The following TESK2 variants were observed in gnomAD, a reference collection of about 807,000 sequenced individuals.
The protein encoded by TESK2 is dual specificity testis-specific protein kinase 2.
Under a neutral mutation model 57.1 loss-of-function variants are expected in TESK2, and 39 were observed. The observed-to-expected ratio is 0.68, with a 90% CI of 0.53 to 0.89. TESK2 has a LOEUF of 0.89. Among genes scored for constraint, TESK2 ranks in the 40% least tolerant of loss-of-function variants. TESK2 has a pLI of 0.00. For synonymous variants in TESK2, 249 were observed against 267.9 expected (o/e 0.93, Z 0.69); for missense variants, 646 against 732.1 (o/e 0.88, Z 1.36).
At position 45,415,162 on chromosome 1, in the gene TESK2, G is replaced by C. The variant is rs986077946; in HGVS notation, c.344+6563C>G. 3.3e-6 allele frequency: 5 copies of C among 1,518,110 alleles called. No homozygotes were observed. In the African/African-American group the frequency reaches 6.9e-5, roughly 21 times the overall value. The allele number at this position is 1,518,110 out of a possible 1,614,324, so 94.0% of individuals were successfully genotyped here. A position where few individuals can be genotyped will look rare whatever the true frequency, so the allele number is the denominator to read the frequency against. ...CTGACCACTGGAGAGAAAGGATTTG[G>C]TTATAAGGGTTCCTGCTTTCACAGA... On this transcript the variant is annotated intron_variant, in intron 3 of 10. Transcript: ENST00000372086.
chr1:45,410,896 C>T (rs997513150), intron 3 of TESK2, among the ~76,000 whole-genome samples: 6 of 152,034 alleles, frequency 3.9e-5, no homozygotes, highest in East Asian at 3.9e-4. Context: ...CAACCTCAAG[C>T]TGTTTGTCTT....
At chr1:45,454,698 A>C (rs778348544) in intron 2 of TESK2, among the ~76,000 whole-genome samples, 3 of 152,168 alleles carry the variant, frequency 2.0e-5, no homozygotes, top group Non-Finnish European at 4.4e-5. Flanking sequence ...AAAGAACCAA[A>C]TAGATACCTG....
intron 2 of TESK2, among the ~76,000 whole-genome samples, chr1:45,428,045 A>G (rs556449818): frequency 6.6e-6 from 1 of 152,322 alleles, no homozygotes; most frequent in African/African-American, 2.4e-5. Flanking sequence ...TGTACCCATA[A>G]AAATAAAAGT....
At chr1:45,350,267 C>A (rs1226988079) in intron 5 of TESK2, among the ~76,000 whole-genome samples, 1 of 152,306 alleles carries the variant, frequency 6.6e-6, no homozygotes, top group African/African-American at 2.4e-5. Flanking sequence ...TGGAAACCTA[C>A]ACAAATTCTT....
At chr1:45,401,830 T>A (rs1013202248) in intron 3 of TESK2, among the ~76,000 whole-genome samples, 2 of 152,078 alleles carry the variant, frequency 1.3e-5, no homozygotes, top group Non-Finnish European at 2.9e-5. Context: ...TACGAACCAA[T>A]GAAAATCTAC....
intron 2 of TESK2, among the ~76,000 whole-genome samples, chr1:45,443,175 A>G (rs775330878): frequency 6.6e-6 from 1 of 152,152 alleles, no homozygotes; most frequent in Non-Finnish European, 1.5e-5. Context: ...GGATCACTTG[A>G]GACCTGGCGT....
chr1:45,478,651 G>C (rs543744459), intron 1 of TESK2, among the ~76,000 whole-genome samples: 2 of 151,974 alleles, frequency 1.3e-5, no homozygotes, highest in South Asian at 4.2e-4. Context: ...AGATGGTGAC[G>C]ACAATATAGA....
chr1:45,460,970 G>A (rs1195567176), intron 1 of TESK2, among the ~76,000 whole-genome samples: 4 of 152,066 alleles, frequency 2.6e-5, no homozygotes, highest in Non-Finnish European at 5.9e-5. Context: ...TATGTCTGTT[G>A]ATAATGTGCT....
chr1:45,350,995 C>G (rs1647222872), intron 5 of TESK2, among the ~76,000 whole-genome samples: 1 of 152,210 alleles, frequency 6.6e-6, no homozygotes, highest in Admixed American at 6.5e-5. Context: ...AAGACCATAA[C>G]TGAATAGGCT....
chr1:45,392,098 G>C (rs1649170581), intron 3 of TESK2, among the ~76,000 whole-genome samples: 1 of 151,996 alleles, frequency 6.6e-6, no homozygotes, highest in Non-Finnish European at 1.5e-5. Context: ...TTGATTGATT[G>C]ACTGATTGAG....
chr1:45,471,553 G>T (rs1652763349), intron 1 of TESK2, among the ~76,000 whole-genome samples: 1 of 151,754 alleles, frequency 6.6e-6, no homozygotes, highest in African/African-American at 2.4e-5. Flanking sequence ...CTACAGGCAC[G>T]CACCACTATG....
rs142024654 is a variant in TESK2, at chr1:45,383,660, T to G, written c.393+2252A>C. Among the ~76,000 whole-genome samples the G allele has an allele frequency of 1.0e-3, 153 of 152,330 alleles. 1 individual carries two copies. In the East Asian group the frequency reaches 0.028, roughly 28 times the overall value. ...GGATGTTCTTCTCTGTCGGCAAAAT[T>G]AACACACCAGCCCTTCCAATGAATT... On this transcript the variant is annotated intron_variant, in intron 4 of 10. Coordinates refer to ENST00000372086, the MANE Select transcript of TESK2 (RefSeq NM_007170.3).
At chr1:45,358,299 C>T (rs1647530082) in intron 4 of TESK2, among the ~76,000 whole-genome samples, 3 of 149,292 alleles carry the variant, frequency 2.0e-5, no homozygotes, top group South Asian at 2.1e-4. Flanking sequence ...GGCAACAGAG[C>T]GAGACTCCAT....
chr1:45,426,124 C>T (rs767068100), intron 2 of TESK2, among the ~76,000 whole-genome samples: 1 of 152,120 alleles, frequency 6.6e-6, no homozygotes, highest in Non-Finnish European at 1.5e-5. Context: ...GCACTCCAGC[C>T]TAGGTGACAG....
Position 45,350,572 on chromosome 1 carries a change from G to T in TESK2, c.541-2572C>A, listed in dbSNP as rs193273921. On this transcript the variant is annotated intron_variant, in intron 5 of 10. Coordinates refer to ENST00000372086, the MANE Select transcript of TESK2 (RefSeq NM_007170.3). ...TAAGAGGTTCTTTTCATAGCACAGG[G>T]AGATCAGTGACCGAACTGCCGGACT... Among the ~76,000 whole-genome samples, 21 of 152,338 alleles carry T rather than the reference G, an allele frequency of 1.4e-4. No individual in the cohort carries two copies. The East Asian group carries it at 3.3e-3, about 24-fold the overall frequency.
chr1:45,386,792 T>A (rs527860827), intron 3 of TESK2, among the ~76,000 whole-genome samples: 19 of 152,268 alleles, frequency 1.2e-4, no homozygotes, highest in African/African-American at 4.3e-4. Flanking sequence ...TAGCTGGGAC[T>A]ACAGGCATGC....
chr1:45,470,381 A>G (rs1036449026), intron 1 of TESK2, among the ~76,000 whole-genome samples: 1 of 152,214 alleles, frequency 6.6e-6, no homozygotes, highest in Non-Finnish European at 1.5e-5. Context: ...CAGGATGACT[A>G]TCTAATTAAA....
chr1:45,411,766 C>G (rs1207553458), intron 3 of TESK2, among the ~76,000 whole-genome samples: 1 of 152,204 alleles, frequency 6.6e-6, no homozygotes, highest in Non-Finnish European at 1.5e-5. Flanking sequence ...ATAACTGCCT[C>G]TTTGGCATGG....
intron 2 of TESK2, among the ~76,000 whole-genome samples, chr1:45,449,157 G>A (rs984003181): frequency 6.6e-6 from 1 of 151,278 alleles, no homozygotes; most frequent in Non-Finnish European, 1.5e-5. Flanking sequence ...GGAAGGCACA[G>A]GTTGCAGTGA....
Sources: allele counts gnomAD v4.1 joint callset (sites outside exome capture counted in the v4.1 genomes callset), GRCh38; gene constraint gnomAD v4.1.1; transcripts MANE v1.5; gene names NCBI Gene and HGNC (gene_info 2026-07-23, HGNC 2026-07-21).